The following PCNX2 variants were observed in gnomAD, a reference collection of about 807,000 sequenced individuals.
PCNX2 encodes pecanex-like protein 2.
A neutral mutation model predicts 223.8 loss-of-function variants in PCNX2; 168 were observed. The ratio of observed to expected loss-of-function variants is 0.75; its 90% CI spans 0.66 to 0.85. The LOEUF is 0.85. Ranked by LOEUF, PCNX2 falls within the 40% of genes least tolerant of loss-of-function variation. The probability of loss-of-function intolerance (pLI) is 0.00; values close to 1 mark genes in which losing one functional copy is unlikely to be tolerated. For synonymous variants in PCNX2, 1,006 were observed against 1,052.6 expected (o/e 0.96, Z 0.86); for missense variants, 2,507 against 2,675.5 (o/e 0.94, Z 1.39).
upstream of PCNX2, among the ~76,000 whole-genome samples, chr1:233,298,241 G>A (rs1336744058): frequency 6.6e-6 from 1 of 152,134 alleles, no homozygotes; most frequent in African/African-American, 2.4e-5. Flanking sequence ...GGAAAATAAG[G>A]TGAATCTGAA....
At chr1:233,083,389 T>G (rs1057045636) in intron 23 of PCNX2, among the ~76,000 whole-genome samples, 1 of 152,168 alleles carries the variant, frequency 6.6e-6, no homozygotes, top group African/African-American at 2.4e-5. Flanking sequence ...GGTATCCAGG[T>G]GATATCACAA....
chr1:233,297,971 A>G (rs986765795), upstream of PCNX2, among the ~76,000 whole-genome samples: 1 of 152,204 alleles, frequency 6.6e-6, no homozygotes, highest in African/African-American at 2.4e-5. Context: ...CTGTAAAACT[A>G]ATCCATTTAT....
chr1:232,992,540 A>T (rs969218704), intron 32 of PCNX2, among the ~76,000 whole-genome samples: 2 of 152,188 alleles, frequency 1.3e-5, no homozygotes, highest in Non-Finnish European at 2.9e-5. Context: ...GGACAAGGAC[A>T]TTCGAAGCAG....
intron 25 of PCNX2, among the ~76,000 whole-genome samples, chr1:233,026,473 C>T (rs748114741): frequency 6.6e-5 from 10 of 152,170 alleles, no homozygotes; most frequent in Non-Finnish European, 1.5e-4. Context: ...AGGAGGACCA[C>T]TCTGGCTTGC....
At chr1:233,319,867 T>A in the PCNX2 span, among the ~76,000 whole-genome samples, 2 of 152,226 alleles carry the variant, frequency 1.3e-5, no homozygotes, top group African/African-American at 4.8e-5. Flanking sequence ...AAGATAACAT[T>A]AATAATTCCA....
At chr1:232,988,374 G>A (rs1669568512) in intron 32 of PCNX2, among the ~76,000 whole-genome samples, 1 of 151,904 alleles carries the variant, frequency 6.6e-6, no homozygotes, top group Non-Finnish European at 1.5e-5. Flanking sequence ...GCAAGACAAG[G>A]ACTCCCCCGC....
chr1:233,261,445 G>C (rs983420514), intron 3 of PCNX2, 124 bp from the exon 4 acceptor site: 4 of 823,710 alleles, frequency 4.9e-6, no homozygotes, highest in Admixed American at 4.2e-5. Context: ...AGACAATACA[G>C]TGTTCACTCT....
intron 21 of PCNX2, chr1:233,112,872 C>T: frequency 7.8e-7 from 1 of 1,288,960 alleles, no homozygotes; most frequent in South Asian, 1.2e-5. Flanking sequence ...AGAGGAGTTA[C>T]TAGCGTGTAT....
intron 23 of PCNX2, among the ~76,000 whole-genome samples, chr1:233,077,528 G>C (rs917342855): frequency 6.6e-6 from 1 of 152,070 alleles, no homozygotes; most frequent in African/African-American, 2.4e-5. Flanking sequence ...TAGGCTTTTT[G>C]AAACTTTTCC....
chr1:233,102,449 C>A (rs1674540043), intron 21 of PCNX2, among the ~76,000 whole-genome samples: 2 of 151,994 alleles, frequency 1.3e-5, no homozygotes, highest in Admixed American at 1.3e-4. Flanking sequence ...TTTTGAGGAC[C>A]CTGCATACTG....
At chr1:233,259,822 AT>A in intron 4 of PCNX2, 1 of 891,188 alleles carries the variant, frequency 1.1e-6, no homozygotes, top group Non-Finnish European at 1.3e-6. Flanking sequence ...ATTGATACTT[AT>A]TTTTTAAAAT....
At chr1:233,175,077 C>T (rs1679398124) in intron 17 of PCNX2, among the ~76,000 whole-genome samples, 1 of 151,852 alleles carries the variant, frequency 6.6e-6, no homozygotes, top group African/African-American at 2.4e-5. Context: ...GAGGGGTTCT[C>T]ATACAGACTA....
chr1:233,230,234 G>A (rs951154005), intron 9 of PCNX2, among the ~76,000 whole-genome samples: 3 of 152,152 alleles, frequency 2.0e-5, no homozygotes, highest in East Asian at 1.9e-4. Context: ...AGTGAGTCAC[G>A]AGAGAGTGTA....
At chr1:233,310,487 C>A in the PCNX2 span, among the ~76,000 whole-genome samples, 1 of 152,184 alleles carries the variant, frequency 6.6e-6, no homozygotes, top group Non-Finnish European at 1.5e-5. Flanking sequence ...ATGCGGACCA[C>A]ATTTCCCAGA....
intron 15 of PCNX2, 39 bp downstream of exon 15, chr1:233,198,900 G>C: frequency 6.7e-7 from 1 of 1,489,010 alleles, no homozygotes; most frequent in Non-Finnish European, 9.2e-7. Context: ...TTAATTTAAT[G>C]AATCGAGAAG....
At chr1:233,145,210 C>T (rs1484940652) in intron 19 of PCNX2, among the ~76,000 whole-genome samples, 3 of 152,098 alleles carry the variant, frequency 2.0e-5, no homozygotes, top group Non-Finnish European at 2.9e-5. Context: ...TTGTGATTCG[C>T]CTGCTTCGGA....
intron 15 of PCNX2, among the ~76,000 whole-genome samples, chr1:233,190,942 CAGTT>C (rs1278205130): frequency 7.9e-5 from 12 of 152,048 alleles, no homozygotes; most frequent in Admixed American, 7.9e-4. Flanking sequence ...CTACTGACCT[CAGTT>C]AGAAAAAAAT....
intron 1 of PCNX2, among the ~76,000 whole-genome samples, chr1:233,265,636 T>A (rs1660291624): frequency 6.6e-6 from 1 of 152,184 alleles, no homozygotes; most frequent in South Asian, 2.1e-4. Context: ...ACGGAATAAG[T>A]AGTAAACTTT....
intron 13 of PCNX2, among the ~76,000 whole-genome samples, chr1:233,206,462 G>A (rs953099477): frequency 6.6e-6 from 1 of 152,048 alleles, no homozygotes; most frequent in East Asian, 1.9e-4. Flanking sequence ...CCGACTTAGT[G>A]AGGAATATGG....
Sources: allele counts gnomAD v4.1 joint callset (sites outside exome capture counted in the v4.1 genomes callset), GRCh38; gene constraint gnomAD v4.1.1; transcripts MANE v1.5; gene names NCBI Gene and HGNC (gene_info 2026-07-23, HGNC 2026-07-21).